Variants in ANO2 observed in about 807,000 individuals in gnomAD.
The protein encoded by ANO2 is anoctamin-2.
Under a neutral mutation model 124.2 loss-of-function variants are expected in ANO2, and 101 were observed. The observed-to-expected ratio is 0.81, with a 90% CI of 0.69 to 0.96. The LOEUF (loss-of-function observed/expected upper bound fraction) is 0.96, where lower values mean the gene tolerates loss of function less well. Ranked by LOEUF, ANO2 falls within the 40% of genes least tolerant of loss-of-function variation. The pLI is 0.00. For synonymous variants in ANO2, 486 were observed against 482.5 expected (o/e 1.01, Z -0.09); for missense variants, 1,293 against 1,274.5 (o/e 1.01, Z -0.22).
chr12:5,865,414 A>C (rs1359915549), intron 3 of ANO2, among the ~76,000 whole-genome samples: 4 of 135,472 alleles, frequency 3.0e-5, no homozygotes, highest in Non-Finnish European at 6.3e-5. Flanking sequence ...CACCATCATG[A>C]ATTCATACCA....
chr12:5,946,132 G>A, upstream of ANO2: 4 of 1,613,244 alleles, frequency 2.5e-6, no homozygotes, highest in Non-Finnish European at 3.4e-6. The surrounding 1 kb of genome is among the most constrained non-coding windows in gnomAD (Gnocchi z 4.1). Context: ...GGTCAAGTAT[G>A]CCATTTGTGA....
chr12:5,618,157 G>A (rs1462119901), intron 16 of ANO2, among the ~76,000 whole-genome samples: 1 of 152,220 alleles, frequency 6.6e-6, no homozygotes, highest in Admixed American at 6.5e-5. Flanking sequence ...TGAAAGGGGA[G>A]ACCAAACAGG....
chr12:5,852,109 G>A, intron 4 of ANO2: 1 of 642,276 alleles, frequency 1.6e-6, no homozygotes. Flanking sequence ...GAGGAGATAG[G>A]GTTGGCCAAA....
intron 16 of ANO2, among the ~76,000 whole-genome samples, chr12:5,629,462 A>G (rs546179777): frequency 1.3e-5 from 2 of 152,186 alleles, no homozygotes; most frequent in Admixed American, 6.5e-5. Context: ...CTGGGTCCTG[A>G]CCTGAGGAGG....
At chr12:5,799,485 A>G (rs775923025) in intron 10 of ANO2, 22 bp downstream of exon 10, 2 of 1,606,934 alleles carry the variant, frequency 1.2e-6, no homozygotes, top group African/African-American at 1.3e-5. Flanking sequence ...GATACTTCCA[A>G]AAGTTCCCTA....
chr12:5,764,973 T>C (rs1333504402), intron 10 of ANO2, among the ~76,000 whole-genome samples: 1 of 152,180 alleles, frequency 6.6e-6, no homozygotes, highest in Non-Finnish European at 1.5e-5. Flanking sequence ...GAATAGGATA[T>C]TGTGAGAGAC....
At chr12:5,585,528 G>A (rs1041695650) in intron 20 of ANO2, among the ~76,000 whole-genome samples, 1 of 152,224 alleles carries the variant, frequency 6.6e-6, no homozygotes, top group African/African-American at 2.4e-5. Context: ...CCACATCAAA[G>A]CTAGGGAGAC....
chr12:5,610,821 C>CACACACACAT (rs1944497538), intron 19 of ANO2, among the ~76,000 whole-genome samples: 2 of 89,936 alleles, frequency 2.2e-5, no homozygotes, highest in African/African-American at 6.4e-5. Flanking sequence ...GTTGTCCATA[C>CACACACACAT]ACACACACAC....
intron 1 of ANO2, among the ~76,000 whole-genome samples, chr12:5,935,777 A>C (rs1942622657): frequency 6.6e-6 from 1 of 152,230 alleles, no homozygotes; most frequent in Non-Finnish European, 1.5e-5. Flanking sequence ...GAATCACCCA[A>C]GAAGGTTAAA....
At chr12:5,930,361 T>C (rs1186224957) in intron 1 of ANO2, among the ~76,000 whole-genome samples, 2 of 152,138 alleles carry the variant, frequency 1.3e-5, no homozygotes, top group African/African-American at 4.8e-5. Flanking sequence ...TCATTTGCTG[T>C]GCTTGGAGCC....
intron 16 of ANO2, among the ~76,000 whole-genome samples, chr12:5,626,072 A>G (rs527271768): frequency 1.4e-4 from 21 of 152,314 alleles, no homozygotes; most frequent in African/African-American, 4.8e-4. Flanking sequence ...TAGTAAAAGA[A>G]GTGTTAGCAA....
intron 14 of ANO2, among the ~76,000 whole-genome samples, chr12:5,654,457 C>A (rs1947061669): frequency 6.6e-6 from 1 of 152,190 alleles, no homozygotes; most frequent in Non-Finnish European, 1.5e-5. Context: ...TACTTGCATT[C>A]AGTTCTGTGT....
chr12:5,816,019 A>G (rs867624132), intron 7 of ANO2, among the ~76,000 whole-genome samples: 3 of 152,154 alleles, frequency 2.0e-5, no homozygotes, highest in Non-Finnish European at 4.4e-5. Context: ...ATTGGGTACA[A>G]TGGGAAAGAG....
chr12:5,706,959 T>C (rs552703150), intron 14 of ANO2, among the ~76,000 whole-genome samples: 2 of 152,348 alleles, frequency 1.3e-5, no homozygotes, highest in East Asian at 1.9e-4. Context: ...ACTTCTGCAC[T>C]TGCCAGCCAG....
chr12:5,644,347 G>A (rs1009414324), intron 15 of ANO2, among the ~76,000 whole-genome samples: 2 of 152,032 alleles, frequency 1.3e-5, no homozygotes, highest in African/African-American at 2.4e-5. Flanking sequence ...TGTTCCATTG[G>A]TCTCATCATC....
chr12:5,946,170 C>T (rs1943091019), upstream of ANO2: 1 of 1,613,892 alleles, frequency 6.2e-7, no homozygotes, highest in Non-Finnish European at 8.5e-7. This position sits in a 1 kb window ranked among gnomAD's most constrained non-coding sequence, Gnocchi z 4.1. Flanking sequence ...TGAAGATTTT[C>T]TCTCCTATAT....
chr12:5,665,417 C>A (rs2088371), intron 14 of ANO2, among the ~76,000 whole-genome samples: 1 of 152,190 alleles, frequency 6.6e-6, no homozygotes, highest in Non-Finnish European at 1.5e-5. Context: ...ATCCCACAGA[C>A]CCCAGCTTCT....
At chr12:5,721,918 C>CA (rs1950250227) in intron 14 of ANO2, among the ~76,000 whole-genome samples, 2 of 152,314 alleles carry the variant, frequency 1.3e-5, no homozygotes, top group Non-Finnish European at 2.9e-5. Flanking sequence ...TTAACAGTTC[C>CA]ATGTGTTAAG....
At chr12:5,739,728 T>TC (rs946394444) in intron 12 of ANO2, among the ~76,000 whole-genome samples, 3 of 151,318 alleles carry the variant, frequency 2.0e-5, no homozygotes, top group African/African-American at 7.3e-5. Flanking sequence ...AAGGGAGGGG[T>TC]CTGCAGGATT....
Sources: allele counts gnomAD v4.1 joint callset (sites outside exome capture counted in the v4.1 genomes callset), GRCh38; gene constraint gnomAD v4.1.1; non-coding constraint Gnocchi (gnomAD v3.1); transcripts MANE v1.5; gene names NCBI Gene and HGNC (gene_info 2026-07-23, HGNC 2026-07-21).